Variants in ZNF77 observed in about 807,000 individuals in gnomAD.
The protein encoded by ZNF77 is zinc finger protein 77, also known as ZNFpT1.
A neutral mutation model predicts 13.5 loss-of-function variants in ZNF77; 15 were observed. The ratio of observed to expected loss-of-function variants is 1.11; its 90% CI spans 0.74 to 1.71. The LOEUF (loss-of-function observed/expected upper bound fraction) is 1.71. Ranked by LOEUF, ZNF77 falls within the 40% of genes most tolerant of loss-of-function variation. The probability of loss-of-function intolerance (pLI) is 0.00; values close to 1 mark genes in which losing one functional copy is unlikely to be tolerated. For missense variants in ZNF77, 717 were observed against 676.4 expected (o/e 1.06, Z -0.67); for synonymous variants, 282 against 250.0 (o/e 1.13, Z -1.21).
At chr19:2,934,961 G>T in intron 3 of ZNF77, 146 bp from the exon 4 acceptor site, 1 of 1,075,044 alleles carries the variant, frequency 9.3e-7, no homozygotes, top group Non-Finnish European at 1.3e-6. Context: ...GGTTTCTATG[G>T]AGAACAAGCT....
At position 2,939,460 on chromosome 19, in the gene ZNF77, C is replaced by T. The variant is rs563873846; in HGVS notation, c.4-53G>A. ...GCAAAGGCACCGCCTCCCCCATGTG[C>T]GCAGGAAGAGGGGTGAGGCTGACAG... On this transcript the variant is annotated intron_variant, in intron 1 of 3. Transcript: ENST00000314531. 8.1e-5 allele frequency: 130 copies of T among 1,601,030 alleles called. No homozygotes were observed. In the East Asian group the frequency reaches 1.3e-3, roughly 16 times the overall value.
rs1280090657 is a variant in ZNF77 at position 2,939,214 on chromosome 19, A to G, written c.130+67T>C. On this transcript the variant is annotated intron_variant, in intron 2 of 3. Transcript: ENST00000314531. The stretch of plus-strand genomic sequence containing the variant: ...GAGGGAATGACGCCACCCTTACCCA[A>G]GGAGGCAGTGAGGGAATGACGCCAC... The G allele has an allele frequency of 3.4e-6, 3 of 878,516 alleles. No individual in the cohort carries two copies. The African/African-American group carries it at 5.9e-5, about 17-fold the overall frequency. The allele number at this position is 878,516 out of a possible 1,614,324, so 54.4% of individuals were successfully genotyped here.
chr19:2,938,784 A>C (rs202216837), intron 2 of ZNF77, among the ~76,000 whole-genome samples: 1 of 151,884 alleles, frequency 6.6e-6, no homozygotes, highest in East Asian at 1.9e-4. Context: ...GTGAAACCCC[A>C]TCTCTACTAA....
intron 2 of ZNF77, among the ~76,000 whole-genome samples, 192 bp from the exon 3 acceptor site, chr19:2,936,896 C>T (rs747431729): frequency 3.5e-4 from 53 of 152,176 alleles, no homozygotes; most frequent in Non-Finnish European, 6.3e-4. Flanking sequence ...GCAGATGAGC[C>T]GGGTGCAGTG....
Position 2,934,140 on chromosome 19 carries a change from G to A in ZNF77, c.987C>T (p.Cys329=), listed in dbSNP as rs138948804. The part of the protein sequence containing the change: ...TGEKPCQCKH[C]GKAFTCYSSL... ...ACGAGTAACAAGTGAACGCTTTTCCGCAATGTTTACACTGACAGGGTTTCT... is the reference window on the plus strand; with the variant it reads ...ACGAGTAACAAGTGAACGCTTTTCCACAATGTTTACACTGACAGGGTTTCT... Residue 329 remains cysteine, a synonymous_variant, in exon 4 of 4, where the codon TGC becomes TGT. Coordinates refer to ENST00000314531, the MANE Select transcript of ZNF77 (RefSeq NM_021217.3). 1.6e-5 allele frequency: 25 copies of A among 1,610,828 alleles called. No homozygotes were observed. In the East Asian group the frequency reaches 1.8e-4, roughly 12 times the overall value.
At chr19:2,944,361 A>G (rs1427507659) in intron 1 of ZNF77, among the ~76,000 whole-genome samples, 1 of 92,348 alleles carries the variant, frequency 1.1e-5, no homozygotes, top group Non-Finnish European at 2.1e-5. Context: ...CTGCCCCTTC[A>G]AACCCATGAC....
At chr19:2,938,377 T>C (rs901257665) in intron 2 of ZNF77, among the ~76,000 whole-genome samples, 1 of 152,236 alleles carries the variant, frequency 6.6e-6, no homozygotes, top group African/African-American at 2.4e-5. Flanking sequence ...ACAGTGTAAC[T>C]TGGATTTACT....
At chr19:2,943,439 G>A (rs1328186525) in intron 1 of ZNF77, among the ~76,000 whole-genome samples, 1 of 151,694 alleles carries the variant, frequency 6.6e-6, no homozygotes, top group Non-Finnish European at 1.5e-5. Context: ...TGTCCTCTCC[G>A]CAGGCCCCTG....
At chr19:2,944,352 T>C (rs1239133895) in intron 1 of ZNF77, among the ~76,000 whole-genome samples, 2 of 78,912 alleles carry the variant, frequency 2.5e-5, no homozygotes, top group African/African-American at 5.3e-5. Context: ...CCCCCAAAAC[T>C]GCCCCTTCAA....
intron 2 of ZNF77, 124 bp from the exon 3 acceptor site, chr19:2,936,828 G>A: frequency 1.1e-6 from 1 of 894,380 alleles, no homozygotes; most frequent in Middle Eastern, 3.3e-4. Flanking sequence ...GAATAGACAT[G>A]CTATCAAAGT....
chr19:2,937,472 G>A (rs1302317706), intron 2 of ZNF77, among the ~76,000 whole-genome samples: 1 of 151,398 alleles, frequency 6.6e-6, no homozygotes, highest in Non-Finnish European at 1.5e-5. Context: ...GCAATGGGCA[G>A]TAAGAGTGAA....
intron 2 of ZNF77, among the ~76,000 whole-genome samples, chr19:2,937,291 C>CTG (rs778140243): frequency 7.9e-5 from 12 of 152,122 alleles, no homozygotes; most frequent in Admixed American, 3.9e-4. Flanking sequence ...CGAAACCAGC[C>CTG]TGACCAACAT....
Position 2,944,735 on chromosome 19 carries a change from C to T in ZNF77, c.3+103G>A, listed in dbSNP as rs890939325. 39 of 1,409,100 alleles carry T rather than the reference C, an allele frequency of 2.8e-5. No individual in the cohort carries two copies. In the South Asian group the frequency reaches 5.4e-4, roughly 20 times the overall value. The allele number at this position is 1,409,100 out of a possible 1,614,324, so 87.3% of individuals were successfully genotyped here. ...GCCCAGGCGCTCGTCGTGCGCCGCC[C>T]CGCGCGTCCCTCAGCTTTCTCCGGC... On this transcript the variant is annotated intron_variant, in intron 1 of 3. Coordinates refer to ENST00000314531, the MANE Select transcript of ZNF77 (RefSeq NM_021217.3).
At chr19:2,938,720 G>A (rs565816141) in intron 2 of ZNF77, among the ~76,000 whole-genome samples, 1 of 152,186 alleles carries the variant, frequency 6.6e-6, no homozygotes, top group Admixed American at 6.5e-5. Context: ...ACTTTGGGAG[G>A]CCAAGGCGGG....
At chr19:2,938,744 C>A (rs958024297) in intron 2 of ZNF77, among the ~76,000 whole-genome samples, 1 of 152,090 alleles carries the variant, frequency 6.6e-6, no homozygotes, top group Non-Finnish European at 1.5e-5. Context: ...ATCACGAGGT[C>A]AGGAGATCGA....
chr19:2,942,781 ATTCT>A (rs1226959667), intron 1 of ZNF77, among the ~76,000 whole-genome samples: 1 of 151,054 alleles, frequency 6.6e-6, no homozygotes, highest in Non-Finnish European at 1.5e-5. Flanking sequence ...CCGAAATCCC[ATTCT>A]TTGTCATCAG....
rs1416330447 is a variant in ZNF77 at position 2,934,781 on chromosome 19, C to T, written c.346G>A (p.Gly116Ser). Residue 116 changes from glycine (G) to serine (S), a missense_variant, in exon 4 of 4, where the codon GGT (glycine) becomes AGT (serine). Physicochemically the swap from Gly to Ser is moderately conservative, Grantham distance 56 (BLOSUM62 0). Transcript: ENST00000314531. ...QLGRLCESNE[G>S]HQCGETLSQT... ...CTCAAGGTCTCTCCGCATTGATGAC[C>T]TTCATTACTTTCACAGAGTCTCCCC... The T allele has an allele frequency of 6.2e-7, 1 of 1,612,278 alleles. No homozygotes were observed. The highest frequency in any genetic ancestry group is 8.5e-7 in the Non-Finnish European group (1 of 1,178,634).
At position 2,933,379 on chromosome 19, in the gene ZNF77, A is replaced by C. The variant is rs2088360053; in HGVS notation, c.*110T>G. The C allele has an allele frequency of 2.2e-6, 3 of 1,350,298 alleles. No homozygotes were observed. In the Admixed American group the frequency reaches 7.6e-5, roughly 34 times the overall value. 83.6% of individuals were successfully genotyped at this position (1,350,298 alleles called of 1,614,324 possible). A position where few individuals can be genotyped will look rare whatever the true frequency, so the allele number is the denominator to read the frequency against. On this transcript the variant is annotated 3_prime_UTR_variant, in exon 4 of 4. Transcript: ENST00000314531. Reference sequence around the variant, plus strand: ...TCCTACTCTGAATTTTTAGGTACAAAATAAGTGCTATACCAGGTTTTCCTA... The same window carrying C: ...TCCTACTCTGAATTTTTAGGTACAACATAAGTGCTATACCAGGTTTTCCTA...
At chr19:2,940,663 C>T (rs1415358721) in intron 1 of ZNF77, among the ~76,000 whole-genome samples, 1 of 136,900 alleles carries the variant, frequency 7.3e-6, no homozygotes, top group Non-Finnish European at 1.6e-5. Flanking sequence ...CAGAGTGAGT[C>T]TCCATCACAA....
Sources: allele counts gnomAD v4.1 joint callset (sites outside exome capture counted in the v4.1 genomes callset), GRCh38; gene constraint gnomAD v4.1.1; transcripts MANE v1.5; gene names NCBI Gene and HGNC (gene_info 2026-07-23, HGNC 2026-07-21).